ZNF44: variants seen among roughly 807,000 people sequenced by gnomAD.
ZNF44 encodes gonadotropin inducible transcription repressor-2.
A neutral mutation model predicts 11.7 loss-of-function variants in ZNF44; 9 were observed. That is an observed-to-expected ratio of 0.77 (90% CI 0.46 to 1.35). ZNF44 has a LOEUF of 1.35. Ranked by LOEUF, ZNF44 falls within the 40% of genes most tolerant of loss-of-function variation. ZNF44 has a pLI of 0.00. For missense variants in ZNF44, 696 were observed against 743.1 expected (o/e 0.94, Z 0.74); for synonymous variants, 224 against 242.7 (o/e 0.92, Z 0.72).
chr19:12,232,546 T>C (rs1916208590), intron 2 of ZNF44, among the ~76,000 whole-genome samples: 1 of 152,310 alleles, frequency 6.6e-6, no homozygotes, highest in South Asian at 2.1e-4. Context: ...GTGATGACTC[T>C]TAACGAGCAT....
rs940310172 is a variant in ZNF44, at chr19:12,287,271, A to T, written c.3+7421T>A. ...TCTTCTTTTTTTTTCCTTGAGACGG[A>T]ATCTCGCTCTGTCACCCACTGCAGC... On this transcript the variant is annotated intron_variant, in intron 1 of 3. Transcript: ENST00000355684. Among the ~76,000 whole-genome samples the T allele has an allele frequency of 2.0e-5, 3 of 151,836 alleles. No homozygotes were observed. The East Asian group carries it at 5.8e-4, about 29-fold the overall frequency.
chr19:12,229,190 G>GTAGT (rs1356370239), intron 3 of ZNF44, among the ~76,000 whole-genome samples: 4 of 152,138 alleles, frequency 2.6e-5, no homozygotes, highest in Non-Finnish European at 4.4e-5. Flanking sequence ...AGAAGATTCA[G>GTAGT]TAGTTACAAT....
downstream of ZNF44, among the ~76,000 whole-genome samples, chr19:12,269,642 T>C (rs112493297): frequency 6.6e-6 from 1 of 152,234 alleles, no homozygotes; most frequent in Non-Finnish European, 1.5e-5. Flanking sequence ...GAATTACAGA[T>C]GTTGTGTCAC....
At chr19:12,240,623 C>G (rs1916583626), upstream of ZNF44, among the ~76,000 whole-genome samples, 3 of 151,986 alleles carry the variant, frequency 2.0e-5, no homozygotes, top group Admixed American at 1.3e-4. Flanking sequence ...ATACAGAACA[C>G]AGATCCTAGA....
intron 3 of ZNF44, among the ~76,000 whole-genome samples, chr19:12,227,799 C>T (rs1213274710): frequency 3.3e-5 from 5 of 152,022 alleles, no homozygotes; most frequent in South Asian, 2.1e-4. Context: ...CAAATATAGC[C>T]CAAAGAAAGC....
chr19:12,281,824 C>T (rs1036797399), intron 1 of ZNF44, among the ~76,000 whole-genome samples: 1 of 152,124 alleles, frequency 6.6e-6, no homozygotes, highest in South Asian at 2.1e-4. Flanking sequence ...TCTACCAAAA[C>T]TCACAAAAAG....
At chr19:12,248,292 C>G in exon 8 of ZNF44, 2 of 1,295,826 alleles carry the variant, frequency 1.5e-6, no homozygotes, top group Non-Finnish European at 2.0e-6. Flanking sequence ...GGGTTTATCT[C>G]CAGTGTGAGT....
At position 12,273,182 on chromosome 19, in the gene ZNF44, G is replaced by A. The variant is rs759062866; in HGVS notation, c.1073C>T (p.Thr358Ile). 6.2e-7 allele frequency: 1 copy of A among 1,613,758 alleles called. No homozygotes were observed. Among genetic ancestry groups the A allele is most frequent in the Non-Finnish European group, 8.5e-7 (1 of 1,179,924 alleles). ...FPGSARIHEGTHTLEKPYECK... is the reference protein window; with the variant it reads ...FPGSARIHEGIHTLEKPYECK... ...TTCATAGGGTTTCTCTAGAGTGTGA[G>A]TTCCTTCATGAATTCGTGCTGAACC... The change falls in exon 4 of 4, where the codon ACT (threonine) becomes ATT (isoleucine). Residue 358 changes from threonine to isoleucine, a missense_variant. By Grantham distance (89) the Thr-to-Ile change is moderately conservative. Transcript: ENST00000355684.
chr19:12,255,838 A>G (rs2438574), intron 5 of ZNF44, among the ~76,000 whole-genome samples: 9,564 of 152,066 alleles, frequency 0.063, 1,026 homozygotes, highest in African/African-American at 0.22. Flanking sequence ...TCAGGAGTTC[A>G]AGACCAACCT....
intron 2 of ZNF44, among the ~76,000 whole-genome samples, chr19:12,275,379 T>C (rs565291329): frequency 6.6e-6 from 1 of 152,350 alleles, no homozygotes; most frequent in South Asian, 2.1e-4. Context: ...CCGGGCATAG[T>C]GGCTCATGCC....
At chr19:12,241,444 C>T (rs540211751), upstream of ZNF44, among the ~76,000 whole-genome samples, 1 of 152,334 alleles carries the variant, frequency 6.6e-6, no homozygotes, top group East Asian at 1.9e-4. Flanking sequence ...AATCCCAGTA[C>T]TCTGGGAGGC....
chr19:12,261,582 T>C (rs777198565), intron 5 of ZNF44, among the ~76,000 whole-genome samples: 1 of 152,140 alleles, frequency 6.6e-6, no homozygotes, highest in Admixed American at 6.6e-5. Flanking sequence ...AGAGCTATGA[T>C]TGCACTACTG....
At chr19:12,247,645 G>A (rs777671816) in exon 8 of ZNF44, 47 of 1,343,546 alleles carry the variant, frequency 3.5e-5, no homozygotes, top group Non-Finnish European at 4.4e-5. Context: ...TCATGTCTTC[G>A]GGCAGAACTG....
upstream of ZNF44, among the ~76,000 whole-genome samples, chr19:12,239,329 G>A (rs557289696): frequency 2.0e-5 from 3 of 151,402 alleles, no homozygotes; most frequent in Admixed American, 6.6e-5. Context: ...GACCAGGCTC[G>A]TCTTGAACTC....
upstream of ZNF44, among the ~76,000 whole-genome samples, chr19:12,238,355 G>A (rs576518468): frequency 1.5e-4 from 23 of 151,946 alleles, no homozygotes; most frequent in Middle Eastern, 6.8e-3. Flanking sequence ...GGCCAGGCGC[G>A]GTAGCTCACG....
At chr19:12,278,652 A>G (rs561212268) in intron 1 of ZNF44, among the ~76,000 whole-genome samples, 1 of 152,082 alleles carries the variant, frequency 6.6e-6, no homozygotes, top group East Asian at 1.9e-4. Context: ...GCTTGAGCCT[A>G]GGAGGTTGAG....
chr19:12,240,460 A>C (rs909760830), upstream of ZNF44, among the ~76,000 whole-genome samples: 1 of 151,694 alleles, frequency 6.6e-6, no homozygotes, highest in Non-Finnish European at 1.5e-5. Context: ...AAAAAAAAAA[A>C]AAACTAGAAA....
intron 2 of ZNF44, among the ~76,000 whole-genome samples, chr19:12,275,741 A>C (rs1486247968): frequency 6.6e-6 from 1 of 152,254 alleles, no homozygotes; most frequent in Non-Finnish European, 1.5e-5. Context: ...TCACTTGTTT[A>C]TATGACTGAT....
downstream of ZNF44, among the ~76,000 whole-genome samples, chr19:12,245,491 T>C (rs1294315198): frequency 6.6e-6 from 1 of 152,210 alleles, no homozygotes; most frequent in Non-Finnish European, 1.5e-5. Flanking sequence ...ACCTAAGACA[T>C]TTGTTTTCAC....
Sources: allele counts gnomAD v4.1 joint callset (sites outside exome capture counted in the v4.1 genomes callset), GRCh38; gene constraint gnomAD v4.1.1; transcripts MANE v1.5; gene names NCBI Gene and HGNC (gene_info 2026-07-23, HGNC 2026-07-21).